UTRN: variants seen among roughly 807,000 people sequenced by gnomAD.
The protein encoded by UTRN is dystrophin-related protein 1.
UTRN carries 283 observed loss-of-function variants against 463.9 expected under a neutral mutation model. The observed-to-expected ratio is 0.61, with a 90% CI of 0.55 to 0.67. The LOEUF is 0.67. Among genes scored for constraint, UTRN ranks in the 30% least tolerant of loss-of-function variants. The pLI is 0.00. For missense variants in UTRN, 3,922 were observed against 4,084.3 expected (o/e 0.96, Z 1.08); for synonymous variants, 1,442 against 1,431.5 (o/e 1.01, Z -0.17).
At chr6:144,388,378 C>A (rs1225728023) in intron 2 of UTRN, among the ~76,000 whole-genome samples, 1 of 151,946 alleles carries the variant, frequency 6.6e-6, no homozygotes, top group Non-Finnish European at 1.5e-5. Context: ...AGTGGCACAA[C>A]CATAGCTTAC....
At chr6:144,395,921 A>C (rs139309743) in intron 2 of UTRN, among the ~76,000 whole-genome samples, 1,879 of 152,258 alleles carry the variant, frequency 0.012, 38 homozygotes, top group African/African-American at 0.043. Context: ...ACTCTCATGC[A>C]TTATGGTGAA....
In UTRN at chr6:144,837,981, C is replaced by G. The variant is rs185774631; in HGVS notation, c.10066-1192C>G. On this transcript the variant is annotated intron_variant, in intron 71 of 74. Coordinates refer to ENST00000367545, the MANE Select transcript of UTRN (RefSeq NM_007124.3). ...TAGTGCCAGCCACATACATTGAAAA[C>G]GTTACATTTTTCATTCCGCGAACTT... Among the ~76,000 whole-genome samples the G allele has an allele frequency of 1.7e-3, 260 of 152,284 alleles. 11 individuals carry two copies. Among genetic ancestry groups the G allele is most frequent in the Admixed American group, 0.015 (236 of 15,298 alleles).
At chr6:144,578,569 A>C (rs1801665354) in intron 51 of UTRN, among the ~76,000 whole-genome samples, 1 of 152,148 alleles carries the variant, frequency 6.6e-6, no homozygotes, top group Non-Finnish European at 1.5e-5. Context: ...TCTTGACTTT[A>C]AGTGATCCAC....
At chr6:144,609,961 G>A (rs1455802547) in intron 51 of UTRN, among the ~76,000 whole-genome samples, 2 of 151,932 alleles carry the variant, frequency 1.3e-5, no homozygotes, top group African/African-American at 4.8e-5. Flanking sequence ...AGCAATAAAT[G>A]CCTATATCAA....
intron 39 of UTRN, among the ~76,000 whole-genome samples, chr6:144,520,956 CG>C (rs1796033683): frequency 6.6e-6 from 1 of 152,072 alleles, no homozygotes. Context: ...GAAGGACTGG[CG>C]GTCCATCCCA....
chr6:144,751,683 G>A, intron 55 of UTRN, 123 bp from the exon 56 acceptor site: 1 of 902,290 alleles, frequency 1.1e-6, no homozygotes. Flanking sequence ...CAGGAAGTTT[G>A]GTTGAGAAAA....
intron 50 of UTRN, among the ~76,000 whole-genome samples, chr6:144,572,789 G>A (rs1801074186): frequency 6.6e-6 from 1 of 152,070 alleles, no homozygotes; most frequent in Non-Finnish European, 1.5e-5. Flanking sequence ...TCTTTATCCA[G>A]TCTATCATTG....
intron 52 of UTRN, among the ~76,000 whole-genome samples, chr6:144,697,890 G>T (rs1025218708): frequency 4.6e-5 from 7 of 152,134 alleles, no homozygotes; most frequent in African/African-American, 1.4e-4. Flanking sequence ...AATTTCAAAG[G>T]AATATAATGT....
At chr6:144,457,957 T>C (rs1167679423) in intron 19 of UTRN, among the ~76,000 whole-genome samples, 1 of 152,340 alleles carries the variant, frequency 6.6e-6, no homozygotes, top group African/African-American at 2.4e-5. Flanking sequence ...CCATACTTTT[T>C]CATAGTCATT....
intron 51 of UTRN, among the ~76,000 whole-genome samples, chr6:144,588,144 C>T (rs1802652659): frequency 6.6e-6 from 1 of 152,060 alleles, no homozygotes; most frequent in African/African-American, 2.4e-5. Context: ...AAAAGTGAGA[C>T]GGGATCAAGG....
intron 51 of UTRN, among the ~76,000 whole-genome samples, chr6:144,640,623 T>A (rs1777671228): frequency 6.6e-6 from 1 of 152,182 alleles, no homozygotes; most frequent in Non-Finnish European, 1.5e-5. Context: ...CAGTTTATGT[T>A]TGTTTATTCA....
At chr6:144,319,487 G>A (rs934051356) in intron 2 of UTRN, among the ~76,000 whole-genome samples, 1 of 152,202 alleles carries the variant, frequency 6.6e-6, no homozygotes, top group African/African-American at 2.4e-5. Flanking sequence ...TGCAAAGGAC[G>A]AAGCCTAGTA....
intron 2 of UTRN, among the ~76,000 whole-genome samples, chr6:144,298,076 G>C (rs981152913): frequency 6.6e-6 from 1 of 152,062 alleles, no homozygotes; most frequent in Admixed American, 6.5e-5. Flanking sequence ...TGGAGAAAGG[G>C]TACTCTGCTG....
At chr6:144,722,127 CTT>C (rs1787247150) in intron 53 of UTRN, among the ~76,000 whole-genome samples, 1 of 152,200 alleles carries the variant, frequency 6.6e-6, no homozygotes, top group Admixed American at 6.5e-5. Context: ...CACAAGGACT[CTT>C]TCCCTAACTT....
intron 46 of UTRN, among the ~76,000 whole-genome samples, chr6:144,546,624 G>T (rs1290820916): frequency 6.6e-6 from 1 of 151,866 alleles, no homozygotes; most frequent in Non-Finnish European, 1.5e-5. Flanking sequence ...AACATAGGGA[G>T]ACCCTGTCTC....
chr6:144,405,766 C>T (rs558164275), intron 3 of UTRN, among the ~76,000 whole-genome samples: 62 of 152,304 alleles, frequency 4.1e-4, no homozygotes, highest in African/African-American at 1.4e-3. Flanking sequence ...AATCAAACAT[C>T]GAGCCTTGTT....
chr6:144,798,993 G>C (rs992296531), intron 64 of UTRN, among the ~76,000 whole-genome samples: 1 of 152,202 alleles, frequency 6.6e-6, no homozygotes, highest in African/African-American at 2.4e-5. Context: ...GTCCTCCTTG[G>C]CCTCCCAAAG....
At chr6:144,770,210 A>G (rs959655146) in intron 58 of UTRN, among the ~76,000 whole-genome samples, 11 of 152,218 alleles carry the variant, frequency 7.2e-5, no homozygotes, top group African/African-American at 2.7e-4. Context: ...TGGAATTTCC[A>G]GGATACATAC....
Position 144,759,773 on chromosome 6 carries a change from G to T in UTRN, c.8495+1784G>T, listed in dbSNP as rs9390211. The stretch of plus-strand genomic sequence containing the variant: ...GCTTCTAGAAGCTGGAAAAGGCAAA[G>T]AAATGGGATTCTCTCTTAGAACCTC... On this transcript the variant is annotated intron_variant, in intron 58 of 74. Transcript: ENST00000367545. Among the ~76,000 whole-genome samples, 68 of 152,198 alleles carry T rather than the reference G, an allele frequency of 4.5e-4. No homozygotes were observed. The East Asian group carries it at 0.012, about 26-fold the overall frequency.
Sources: gnomAD v4.1 joint callset for allele counts (sites outside exome capture counted in the v4.1 genomes callset) on GRCh38, gnomAD v4.1.1 for gene constraint, MANE v1.5 for transcripts, NCBI Gene and HGNC (gene_info 2026-07-23, HGNC 2026-07-21) for gene names.